The following IQCM variants were observed in gnomAD, a reference collection of about 807,000 sequenced individuals.
IQCM encodes the protein IQ domain-containing protein M.
Under a neutral mutation model 57.6 loss-of-function variants are expected in IQCM, and 45 were observed. The observed-to-expected ratio is 0.78, with a 90% CI of 0.62 to 1.00. The LOEUF (loss-of-function observed/expected upper bound fraction) is 1.00, where lower values mean the gene tolerates loss of function less well. IQCM is among the 50% of genes least tolerant of loss of function. The pLI is 0.00. For missense variants in IQCM, 468 were observed against 511.6 expected (o/e 0.91, Z 0.82); for synonymous variants, 148 against 158.9 (o/e 0.93, Z 0.51).
At chr4:149,619,107 G>GATATATATATATATATAT (rs70965194) in intron 8 of IQCM, among the ~76,000 whole-genome samples, 1,760 of 125,732 alleles carry the variant, frequency 0.014, 20 homozygotes, top group African/African-American at 0.021. Flanking sequence ...ATGTGGGATG[G>GATATATATATATATATAT]ATATATATAT....
At chr4:149,554,825 G>GAGC (rs1306755226) in intron 10 of IQCM, among the ~76,000 whole-genome samples, 1 of 151,578 alleles carries the variant, frequency 6.6e-6, no homozygotes, top group Non-Finnish European at 1.5e-5. Flanking sequence ...TCAGCCTCCA[G>GAGC]AGCAGCTGGG....
intron 12 of IQCM, among the ~76,000 whole-genome samples, chr4:149,467,532 T>C (rs753464550): frequency 6.6e-5 from 10 of 152,168 alleles, no homozygotes; most frequent in Admixed American, 2.0e-4. Context: ...AGGACTTCAG[T>C]TGGAAACATG....
chr4:149,576,385 T>C (rs542114796), intron 9 of IQCM, among the ~76,000 whole-genome samples: 4 of 151,968 alleles, frequency 2.6e-5, no homozygotes, highest in African/African-American at 9.6e-5. Flanking sequence ...CTTGATTTGC[T>C]TTTTTGTTAT....
chr4:149,751,717 A>T (rs1580201606), intron 2 of IQCM, among the ~76,000 whole-genome samples: 1 of 152,170 alleles, frequency 6.6e-6, no homozygotes, highest in East Asian at 1.9e-4. Flanking sequence ...GTTACTTCTT[A>T]TTGGATCTTA....
chr4:149,467,981 G>C (rs1739045252), intron 12 of IQCM, among the ~76,000 whole-genome samples: 1 of 152,166 alleles, frequency 6.6e-6, no homozygotes, highest in Non-Finnish European at 1.5e-5. Context: ...ATCTGTTATT[G>C]CATGTTAGAA....
chr4:149,563,117 T>C (rs1354635012), intron 10 of IQCM, among the ~76,000 whole-genome samples: 1 of 152,188 alleles, frequency 6.6e-6, no homozygotes, highest in Non-Finnish European at 1.5e-5. Flanking sequence ...AGGATTGCGA[T>C]CTATGAAAGT....
intron 12 of IQCM, among the ~76,000 whole-genome samples, chr4:149,456,404 A>G (rs1737707495): frequency 1.3e-5 from 2 of 152,168 alleles, no homozygotes; most frequent in Non-Finnish European, 2.9e-5. Context: ...TGCATATACA[A>G]AATGAGATAT....
chr4:149,439,025 T>C lies in IQCM; in HGVS notation c.1229-5468A>G, dbSNP rs190058646. Reference sequence around the variant, plus strand: ...AAAAATGTTAAATTATAGCAAATATTACCACCTTTAAATCCCTTCAGGTCA... The same window carrying C: ...AAAAATGTTAAATTATAGCAAATATCACCACCTTTAAATCCCTTCAGGTCA... On this transcript the variant is annotated intron_variant, in intron 12 of 13. Transcript: ENST00000636793. Among the ~76,000 whole-genome samples the C allele has an allele frequency of 3.6e-3, 548 of 152,156 alleles. 1 individual carries two copies. The highest frequency in any genetic ancestry group is 0.012 in the African/African-American group (510 of 41,560).
At chr4:149,403,018 C>T (rs992680312) in intron 13 of IQCM, among the ~76,000 whole-genome samples, 2 of 151,900 alleles carry the variant, frequency 1.3e-5, no homozygotes, top group African/African-American at 4.8e-5. Context: ...ATATTTTTCA[C>T]TTATAAAATA....
intron 12 of IQCM, among the ~76,000 whole-genome samples, chr4:149,458,360 T>A (rs1273673576): frequency 6.6e-6 from 1 of 151,890 alleles, no homozygotes; most frequent in Non-Finnish European, 1.5e-5. Context: ...AAAAAAGAAA[T>A]GATAAAAGCT....
intron 12 of IQCM, among the ~76,000 whole-genome samples, chr4:149,519,329 A>C (rs1745342740): frequency 6.6e-6 from 1 of 152,198 alleles, no homozygotes; most frequent in Admixed American, 6.5e-5. Flanking sequence ...TACCCTTAAA[A>C]GTGCTTTCTT....
intron 7 of IQCM, among the ~76,000 whole-genome samples, chr4:149,659,103 C>T (rs952904216): frequency 6.6e-6 from 1 of 151,960 alleles, no homozygotes; most frequent in Non-Finnish European, 1.5e-5. Context: ...TGCTAGCAGT[C>T]TATCAATTTT....
chr4:149,520,212 G>A (rs1745478914), intron 12 of IQCM, among the ~76,000 whole-genome samples: 1 of 148,214 alleles, frequency 6.7e-6, no homozygotes, highest in African/African-American at 2.5e-5. Flanking sequence ...TATATAAGGT[G>A]GGCACCATTT....
intron 13 of IQCM, among the ~76,000 whole-genome samples, chr4:149,406,439 G>A (rs1022968725): frequency 3.3e-5 from 5 of 152,052 alleles, no homozygotes; most frequent in African/African-American, 1.2e-4. Context: ...ACATAGAGCG[G>A]ACATCACATA....
chr4:149,412,595 G>C (rs1733469139), intron 13 of IQCM, among the ~76,000 whole-genome samples: 1 of 152,154 alleles, frequency 6.6e-6, no homozygotes, highest in Admixed American at 6.6e-5. Flanking sequence ...GTGAGGTGCT[G>C]TAGATAGAAA....
intron 8 of IQCM, 39 bp from the exon 9 acceptor site, chr4:149,588,036 A>C: frequency 1.1e-6 from 1 of 935,554 alleles, no homozygotes; most frequent in African/African-American, 1.7e-5. Flanking sequence ...AAGTAGAAAA[A>C]CAATGTTATC....
intron 12 of IQCM, among the ~76,000 whole-genome samples, chr4:149,489,749 C>T (rs567398374): frequency 5.1e-4 from 77 of 151,686 alleles, no homozygotes; most frequent in Non-Finnish European, 9.6e-4. Context: ...AAGGATATCT[C>T]TATAATTCAA....
intron 13 of IQCM, among the ~76,000 whole-genome samples, chr4:149,412,196 T>C (rs986044995): frequency 2.0e-5 from 3 of 152,044 alleles, no homozygotes; most frequent in Non-Finnish European, 4.4e-5. Flanking sequence ...ACAGTAGATA[T>C]GCTGGTCTAA....
chr4:149,429,970 G>A (rs773503509), intron 13 of IQCM: 3 of 1,216,606 alleles, frequency 2.5e-6, no homozygotes, highest in Admixed American at 4.2e-5. Context: ...AGTGCAAATA[G>A]ACTCTAAACA....
Sources: allele counts gnomAD v4.1 joint callset (sites outside exome capture counted in the v4.1 genomes callset), GRCh38; gene constraint gnomAD v4.1.1; transcripts MANE v1.5; gene names NCBI Gene and HGNC (gene_info 2026-07-23, HGNC 2026-07-21).